Variants in ATP7A observed in about 807,000 individuals in gnomAD.
The protein encoded by ATP7A is ATPase copper transporting alpha.
In ATP7A, 7 loss-of-function variants were observed where a neutral mutation model predicts 83.5. The observed-to-expected ratio is 0.08, with a 90% CI of 0.05 to 0.16. The LOEUF (loss-of-function observed/expected upper bound fraction) is 0.16. Among genes scored for constraint, ATP7A ranks in the 10% least tolerant of loss-of-function variants. The pLI is 1.00. For missense variants in ATP7A, 940 were observed against 1,120.8 expected, an observed-to-expected ratio of 0.84 and a Z score of 2.30; for synonymous variants, 354 against 395.2, an observed-to-expected ratio of 0.90 and a Z score of 1.24.
chrX:78,011,334 T>A (rs781869539), intron 8 of ATP7A, 82 bp downstream of exon 8: 48 of 1,071,116 alleles, frequency 4.5e-5, no homozygotes, highest in Admixed American at 6.6e-5. Context: ...TTTTATAATA[T>A]CATCCTTATA....
In ATP7A at chrX:77,958,785, G is replaced by GTT. The variant is rs1312033727; in HGVS notation, c.-21-12817_-21-12816dup. 6.6e-4 allele frequency among the ~76,000 whole-genome samples: 56 copies of GTT among 84,438 alleles called. 1 individual carries two copies. The highest frequency in any genetic ancestry group is 8.5e-4 in the Non-Finnish European group (36 of 42,526). The allele number at this position is 84,438 out of a possible 115,157, so 73.3% of individuals were successfully genotyped here. On this transcript the variant is annotated intron_variant, in intron 1 of 22. Coordinates refer to ENST00000341514, the MANE Select transcript of ATP7A (RefSeq NM_000052.7). The stretch of plus-strand genomic sequence containing the variant: ...CAATTTCTTTCATCAATGTTTTATA[G>GTT]TTTTTTTTTTTTTTTTTTTTGGAGA...
At chrX:78,045,943 A>G (rs2078080518) in intron 22 of ATP7A, among the ~76,000 whole-genome samples, 1 of 112,214 alleles carries the variant, frequency 8.9e-6, no homozygotes, top group Non-Finnish European at 1.9e-5. Flanking sequence ...AGATCGTGCC[A>G]CTGCACTCCA....
intron 7 of ATP7A, among the ~76,000 whole-genome samples, chrX:78,010,578 T>A (rs2077813028): frequency 1.2e-5 from 1 of 80,888 alleles, no homozygotes; most frequent in African/African-American, 4.7e-5. Context: ...AGCTTTTTTT[T>A]TTTTTTTTTT....
At chrX:77,969,776 T>C in intron 1 of ATP7A, 1 of 762,736 alleles carries the variant, frequency 1.3e-6, no homozygotes, top group Non-Finnish European at 1.9e-6. Flanking sequence ...CCATGGGATA[T>C]ATTAGATTGA....
At position 78,011,202 on chromosome X, in the gene ATP7A, C is replaced by G. The variant is rs2149094955; in HGVS notation, c.1896C>G (p.Val632=). 1 of 1,209,759 alleles carries G rather than the reference C, an allele frequency of 8.3e-7. No individual in the cohort carries two copies. The highest frequency in any genetic ancestry group is 1.1e-6 in the Non-Finnish European group (1 of 894,174). Residue 632 remains valine (V), a synonymous_variant, in exon 8 of 23, where the codon GTC becomes GTG. Coordinates refer to ENST00000341514, the MANE Select transcript of ATP7A (RefSeq NM_000052.7). ...GCTTAGGTTTTGAAGCTTCTTTGGT[C>G]AAGAAGGATCGGTCAGCAAGTCACT... is the stretch of plus-strand genomic sequence containing the variant. ...IESLGFEASL[V]KKDRSASHLD...
At chrX:77,950,718 T>C (rs911510650) in intron 1 of ATP7A, among the ~76,000 whole-genome samples, 1 of 111,241 alleles carries the variant, frequency 9.0e-6, no homozygotes, top group African/African-American at 3.3e-5. Context: ...TAACATACCA[T>C]AAATTCATTA....
intron 21 of ATP7A, among the ~76,000 whole-genome samples, chrX:78,044,255 CAAAA>C (rs782578875): frequency 3.2e-5 from 2 of 61,767 alleles, no homozygotes; most frequent in Non-Finnish European, 2.8e-5. Context: ...ACTCCGTCTC[CAAAA>C]AAAAAAAAAA....
intron 12 of ATP7A, among the ~76,000 whole-genome samples, chrX:78,017,049 G>A (rs1042877228): frequency 8.9e-6 from 1 of 112,517 alleles, no homozygotes; most frequent in Non-Finnish European, 1.9e-5. Context: ...TTTCCATGAT[G>A]GCTTCTCCCC....
intron 1 of ATP7A, among the ~76,000 whole-genome samples, chrX:77,970,685 AAAAACC>A (rs1245918334): frequency 2.7e-5 from 3 of 111,523 alleles, no homozygotes; most frequent in African/African-American, 9.8e-5. Context: ...AAACAAAAAC[AAAAACC>A]AAAACAACAA....
At chrX:78,035,935 A>C (rs1269481830) in intron 17 of ATP7A, among the ~76,000 whole-genome samples, 1 of 111,906 alleles carries the variant, frequency 8.9e-6, no homozygotes, top group Non-Finnish European at 1.9e-5. Context: ...AGGACAGTGT[A>C]TGATAATTAT....
In ATP7A at chrX:78,029,342, A is replaced by C. The variant is rs2077967684; in HGVS notation, c.3009A>C (p.Ser1003=). The C allele has an allele frequency of 8.3e-7, 1 of 1,210,803 alleles. No individual in the cohort carries two copies. Among genetic ancestry groups the C allele is most frequent in the Admixed American group, 2.2e-5 (1 of 46,026 alleles). ...TTCTGTGTATTGCATGTCCCTGTTC[A>C]CTGGGACTGGCCACTCCAACTGCTG... ...ITVLCIACPC[S]LGLATPTAVM... The change falls in exon 15 of 23, where the codon TCA becomes TCC. Residue 1003 remains serine, a synonymous_variant. Coordinates refer to ENST00000341514, the MANE Select transcript of ATP7A (RefSeq NM_000052.7).
At position 78,049,335 on chromosome X, in the gene ATP7A, A is replaced by C. The variant is rs1424180459; in HGVS notation, c.*2765A>C. On this transcript the variant is annotated 3_prime_UTR_variant, in exon 23 of 23. Transcript: ENST00000341514. ...TACCATACTGAAGGGAAATGGATTT[A>C]TATTTGAATTTGATATTTGAATATT... 2 of 112,483 alleles carry C rather than the reference A, an allele frequency of 1.8e-5. No homozygotes were observed. The highest frequency in any genetic ancestry group is 3.8e-5 in the Non-Finnish European group (2 of 53,162). 9.3% of individuals were successfully genotyped at this position (112,483 alleles called of 1,213,427 possible).
At chrX:77,996,643 C>T (rs1557232576) in intron 4 of ATP7A, among the ~76,000 whole-genome samples, 3 of 111,407 alleles carry the variant, frequency 2.7e-5, no homozygotes, top group African/African-American at 9.8e-5. Context: ...CTAAAAGGGA[C>T]TACCTCTTAT....
At chrX:77,965,222 G>T (rs1166671973) in intron 1 of ATP7A, among the ~76,000 whole-genome samples, 2 of 110,949 alleles carry the variant, frequency 1.8e-5, no homozygotes, top group African/African-American at 3.3e-5. Flanking sequence ...CAAAAAAAAA[G>T]AGTGAAAGAC....
intron 1 of ATP7A, among the ~76,000 whole-genome samples, chrX:77,932,041 G>T (rs1342157887): frequency 9.0e-6 from 1 of 110,637 alleles, no homozygotes; most frequent in Admixed American, 9.3e-5. Flanking sequence ...TGGCCTGGCG[G>T]GGGCTGACCC....
At chrX:77,935,499 G>A (rs782629146) in intron 1 of ATP7A, among the ~76,000 whole-genome samples, 53 of 111,708 alleles carry the variant, frequency 4.7e-4, no homozygotes, top group Non-Finnish European at 7.9e-4. Context: ...ATATGTGCAA[G>A]GTAATTCTTT....
At position 77,971,656 on chromosome X, in the gene ATP7A, G is replaced by A. The variant is rs781952393; in HGVS notation, c.15G>A (p.Met5Ile). Reference protein sequence around the residue: MDPSMGVNSVTISVE... With the variant: MDPSIGVNSVTISVE... Reference sequence around the variant, plus strand: ...AGGAAATCAAAATGGATCCAAGTATGGGTGTGAATTCTGTTACCATTTCTG... The same window carrying A: ...AGGAAATCAAAATGGATCCAAGTATAGGTGTGAATTCTGTTACCATTTCTG... Residue 5 changes from methionine to isoleucine, a missense_variant, in exon 2 of 23, where the codon ATG (methionine) becomes ATA (isoleucine). By Grantham distance (10) the Met-to-Ile change is conservative. This residue lies in a region of ATP7A where 350 missense variants were observed against 432.8 expected (regional missense o/e 0.81). Transcript: ENST00000341514. The A allele has an allele frequency of 2.4e-5, 29 of 1,208,698 alleles. No homozygotes were observed. The highest frequency in any genetic ancestry group is 1.2e-4 in the East Asian group (4 of 33,738).
At chrX:78,027,676 C>T (rs782062621) in intron 14 of ATP7A, among the ~76,000 whole-genome samples, 1 of 112,070 alleles carries the variant, frequency 8.9e-6, no homozygotes, top group East Asian at 2.8e-4. Context: ...CATCACATTA[C>T]CTGACTTCAA....
intron 1 of ATP7A, among the ~76,000 whole-genome samples, chrX:77,932,387 G>A (rs1161305222): frequency 1.9e-5 from 2 of 107,635 alleles, no homozygotes; most frequent in Admixed American, 9.7e-5. Context: ...TAGATGGGAT[G>A]GCGGCCGGGC....
Sources: allele counts gnomAD v4.1 joint callset (sites outside exome capture counted in the v4.1 genomes callset), GRCh38; gene constraint gnomAD v4.1.1; regional missense constraint gnomAD v4.1.1; transcripts MANE v1.5; gene names NCBI Gene and HGNC (gene_info 2026-07-23, HGNC 2026-07-21).